PCDHA7: variants seen among roughly 807,000 people sequenced by gnomAD.
PCDHA7 encodes the protein protocadherin alpha 7, also known as protocadherin alpha-7.
In PCDHA7, 37 loss-of-function variants were observed where a neutral mutation model predicts 57.2. The ratio of observed to expected loss-of-function variants is 0.65; its 90% CI spans 0.50 to 0.85. The LOEUF (loss-of-function observed/expected upper bound fraction) is 0.85. Ranked by LOEUF, PCDHA7 falls within the 40% of genes least tolerant of loss-of-function variation. PCDHA7 has a pLI of 0.00. For missense variants in PCDHA7, 1,188 were observed against 1,241.8 expected, an observed-to-expected ratio of 0.96 and a Z score of 0.65; for synonymous variants, 553 against 558.8, an observed-to-expected ratio of 0.99 and a Z score of 0.15.
intron 1 of PCDHA7, chr5:140,857,033 A>G (rs1303154996): frequency 4.4e-6 from 7 of 1,595,572 alleles, no homozygotes; most frequent in South Asian, 1.1e-5. Flanking sequence ...AAACCCACCT[A>G]TGGTTGGTCA....
At chr5:140,851,277 A>G in intron 1 of PCDHA7, 1 of 1,055,352 alleles carries the variant, frequency 9.5e-7, no homozygotes, top group East Asian at 4.9e-5. Context: ...TGTATTGTTT[A>G]TAAGAAACCC....
chr5:140,878,408 T>G (rs1554170402), intron 1 of PCDHA7, among the ~76,000 whole-genome samples: 2 of 152,244 alleles, frequency 1.3e-5, no homozygotes, highest in Non-Finnish European at 2.9e-5. Context: ...AAATATCTTC[T>G]TTATTTCAAG....
intron 1 of PCDHA7, among the ~76,000 whole-genome samples, chr5:140,973,039 C>T (rs782146596): frequency 1.3e-5 from 2 of 152,040 alleles, no homozygotes; most frequent in Non-Finnish European, 2.9e-5. Flanking sequence ...ACTTTGAGTA[C>T]TCTAGTAGAT....
chr5:140,875,876 A>C, intron 1 of PCDHA7: 1 of 1,614,178 alleles, frequency 6.2e-7, no homozygotes, highest in South Asian at 1.1e-5. Flanking sequence ...GTGTTCAGAG[A>C]AAGGGAACAA....
intron 1 of PCDHA7, among the ~76,000 whole-genome samples, chr5:140,977,323 G>A (rs542392962): frequency 1.3e-5 from 2 of 152,324 alleles, no homozygotes; most frequent in Non-Finnish European, 1.5e-5. Context: ...GCTCCTGATG[G>A]CGAGGGGAGA....
At chr5:140,869,666 A>G (rs2051321419) in intron 1 of PCDHA7, 1 of 1,613,524 alleles carries the variant, frequency 6.2e-7, no homozygotes, top group East Asian at 2.2e-5. Context: ...AATGGTAAGC[A>G]GATTAAAAGA....
chr5:140,981,888 G>A (rs1554243508), intron 2 of PCDHA7, among the ~76,000 whole-genome samples: 1 of 152,140 alleles, frequency 6.6e-6, no homozygotes, highest in Non-Finnish European at 1.5e-5. Flanking sequence ...AATCTCTTCT[G>A]AGCGGGGATC....
chr5:140,895,170 T>C (rs2064890754), intron 1 of PCDHA7, among the ~76,000 whole-genome samples: 1 of 152,176 alleles, frequency 6.6e-6, no homozygotes, highest in Admixed American at 6.5e-5. Flanking sequence ...TCCAATCTAT[T>C]TGTAGTCCCT....
At chr5:141,002,583 C>T (rs781898349) in intron 3 of PCDHA7, among the ~76,000 whole-genome samples, 6 of 152,176 alleles carry the variant, frequency 3.9e-5, no homozygotes, top group Non-Finnish European at 7.3e-5. Context: ...GACCATTAGT[C>T]CTTAGTCCCC....
intron 2 of PCDHA7, among the ~76,000 whole-genome samples, chr5:140,979,979 T>C (rs1007546118): frequency 6.6e-6 from 1 of 152,194 alleles, no homozygotes; most frequent in African/African-American, 2.4e-5. Flanking sequence ...ATGCATTAGA[T>C]TGAAATAAAT....
At chr5:141,008,961 A>G (rs2098395078) in intron 3 of PCDHA7, among the ~76,000 whole-genome samples, 1 of 152,214 alleles carries the variant, frequency 6.6e-6, no homozygotes, top group Non-Finnish European at 1.5e-5. Context: ...ACATCCTAAT[A>G]CATTTATAGC....
In PCDHA7 at chr5:140,850,723, G is replaced by A; in HGVS notation, c.2355+13985G>A. ...GGCAAGCCGACGCTGGTGTGTTCTA[G>A]CGCGGTGGGGAGTTGGTCGTACTCG... On this transcript the variant is annotated intron_variant, in intron 1 of 3. Coordinates refer to ENST00000525929, the MANE Select transcript of PCDHA7 (RefSeq NM_018910.3). 17 of 1,598,038 alleles carry A rather than the reference G, an allele frequency of 1.1e-5. 1 individual carries two copies. The highest frequency in any genetic ancestry group is 1.5e-5 in the Non-Finnish European group (17 of 1,167,660).
chr5:140,849,699 A>G, intron 1 of PCDHA7: 1 of 1,598,608 alleles, frequency 6.3e-7, no homozygotes, highest in Non-Finnish European at 8.6e-7. Flanking sequence ...GTCCACCTAC[A>G]AGAATTACTA....
intron 1 of PCDHA7, chr5:140,882,524 G>C (rs1340644606): frequency 9.9e-6 from 16 of 1,614,090 alleles, no homozygotes; most frequent in African/African-American, 2.7e-5. Context: ...CATTTTGTTT[G>C]TGAATTCTCG....
chr5:140,930,803 T>C (rs1227085867), intron 1 of PCDHA7, among the ~76,000 whole-genome samples: 2 of 152,222 alleles, frequency 1.3e-5, no homozygotes, highest in Non-Finnish European at 2.9e-5. Context: ...ATCCAGCATA[T>C]AAGATATGCT....
chr5:140,997,380 C>T (rs1554255860), intron 3 of PCDHA7, among the ~76,000 whole-genome samples: 1 of 152,112 alleles, frequency 6.6e-6, no homozygotes. Flanking sequence ...ATATAGCATA[C>T]TACACACTTA....
intron 3 of PCDHA7, among the ~76,000 whole-genome samples, chr5:141,009,295 A>AT (rs1258767808): frequency 6.6e-6 from 1 of 152,030 alleles, no homozygotes; most frequent in African/African-American, 2.4e-5. Flanking sequence ...TTTCTATAAA[A>AT]TTTTTTTTAA....
intron 1 of PCDHA7, chr5:140,842,773 G>A: frequency 6.3e-7 from 1 of 1,594,638 alleles, no homozygotes; most frequent in Non-Finnish European, 8.6e-7. Context: ...ACGCGGACGC[G>A]CAGGAGAACG....
In PCDHA7 at chr5:140,857,461, C is replaced by T. The variant is rs1554150068; in HGVS notation, c.2355+20723C>T. 9 of 1,598,524 alleles carry T rather than the reference C, an allele frequency of 5.6e-6. 1 individual carries two copies. Among genetic ancestry groups the T allele is most frequent in the Non-Finnish European group, 7.7e-6 (9 of 1,167,928 alleles). On this transcript the variant is annotated intron_variant, in intron 1 of 3. Transcript: ENST00000525929. ...TGAAGGAGAACAACCCGCCAGGCTG[C>T]CACATCTTCACGGTGTCTGCGTGGG...
Sources: gnomAD v4.1 joint callset for allele counts (sites outside exome capture counted in the v4.1 genomes callset) on GRCh38, gnomAD v4.1.1 for gene constraint, MANE v1.5 for transcripts, NCBI Gene and HGNC (gene_info 2026-07-23, HGNC 2026-07-21) for gene names.